The following ATP1A4 variants were observed in gnomAD, a reference collection of about 807,000 sequenced individuals.
The protein encoded by ATP1A4 is sodium/potassium-transporting ATPase subunit alpha-4.
In ATP1A4, 90 loss-of-function variants were observed where a neutral mutation model predicts 114.3. That is an observed-to-expected ratio of 0.79 (90% confidence interval 0.66 to 0.94). The LOEUF (loss-of-function observed/expected upper bound fraction) is 0.94. Ranked by LOEUF, ATP1A4 falls within the 40% of genes least tolerant of loss-of-function variation. ATP1A4 has a pLI of 0.00. For missense variants in ATP1A4, 1,222 were observed against 1,313.6 expected, an observed-to-expected ratio of 0.93 and a Z score of 1.08; for synonymous variants, 511 against 494.1, an observed-to-expected ratio of 1.03 and a Z score of -0.45.
intron 18 of ATP1A4, among the ~76,000 whole-genome samples, chr1:160,178,172 A>G (rs893200957): frequency 3.3e-5 from 5 of 151,316 alleles, no homozygotes; most frequent in Non-Finnish European, 2.9e-5. Context: ...CCTGGCCAAC[A>G]TGGAGATACC....
rs1369919633 is a variant in ATP1A4, at chr1:160,156,098, C to G, written c.465C>G (p.Ser155=). ...TGGTCATCGTCACTGGCTGCTTCTCCTATTATCAGGAGGCCAAGAGCTCCA... is the reference window on the plus strand; with the variant it reads ...TGGTCATCGTCACTGGCTGCTTCTCGTATTATCAGGAGGCCAAGAGCTCCA... The part of the protein sequence containing the change: ...SVVVIVTGCF[S]YYQEAKSSKI... Residue 155 remains serine, a synonymous_variant, in exon 4 of 22, where the codon TCC becomes TCG. Coordinates refer to ENST00000368081, the MANE Select transcript of ATP1A4 (RefSeq NM_144699.4). 6.2e-7 allele frequency: 1 copy of G among 1,613,976 alleles called. No homozygotes were observed. The highest frequency in any genetic ancestry group is 8.5e-7 in the Non-Finnish European group (1 of 1,179,970).
At chr1:160,157,269 G>A (rs11265337) in intron 4 of ATP1A4, among the ~76,000 whole-genome samples, 67,165 of 151,918 alleles carry the variant, frequency 0.44, 15,046 homozygotes, top group South Asian at 0.47. Flanking sequence ...TTTGGTGTAC[G>A]AATTATTTCA....
intron 20 of ATP1A4, 138 bp downstream of exon 20, chr1:160,182,169 G>A (rs771911585): frequency 4.3e-6 from 3 of 705,662 alleles, no homozygotes; most frequent in South Asian, 1.6e-5. Flanking sequence ...AGTGATACAA[G>A]GAGAGTCATC....
intron 10 of ATP1A4, 47 bp from the exon 11 acceptor site, chr1:160,171,193 TGCCCCTGATCC>T: frequency 1.4e-6 from 2 of 1,466,240 alleles, no homozygotes; most frequent in Admixed American, 2.1e-5. Context: ...CCCTTCTTTT[TGCCCCTGATCC>T]TTGGTCTCTC....
chr1:160,164,343 C>T lies in ATP1A4; in HGVS notation c.966C>T (p.Gly322=). 2 of 1,614,170 alleles carry T rather than the reference C, an allele frequency of 1.2e-6. 1 individual carries two copies. The highest frequency in any genetic ancestry group is 2.2e-5 in the South Asian group (2 of 91,086). Reference sequence around the variant, plus strand: ...TTTTTGCGCTCTCACTTCTCTTGGGCTATGGTTGGCTGGAGGCTATCATTT... The same window carrying T: ...TTTTTGCGCTCTCACTTCTCTTGGGTTATGGTTGGCTGGAGGCTATCATTT... The part of the protein sequence containing the change: ...VTFFALSLLL[G]YGWLEAIIFL... The change falls in exon 7 of 22, where the codon GGC becomes GGT. Residue 322 remains glycine, a synonymous_variant. Coordinates refer to ENST00000368081, the MANE Select transcript of ATP1A4 (RefSeq NM_144699.4).
At chr1:160,164,507 G>A (rs1277680033) in intron 7 of ATP1A4, 83 bp downstream of exon 7, 8 of 1,472,674 alleles carry the variant, frequency 5.4e-6, no homozygotes, top group Non-Finnish European at 7.4e-6. Flanking sequence ...TTTTGTTGTT[G>A]AACCTTTCAA....
chr1:160,161,659 C>G (rs1652866832), intron 6 of ATP1A4, among the ~76,000 whole-genome samples: 1 of 152,216 alleles, frequency 6.6e-6, no homozygotes, highest in Admixed American at 6.5e-5. Context: ...GGAAACTCCT[C>G]AGCATCTCTC....
intron 4 of ATP1A4, among the ~76,000 whole-genome samples, chr1:160,158,357 C>T (rs969452630): frequency 9.2e-5 from 14 of 152,224 alleles, no homozygotes; most frequent in Admixed American, 2.6e-4. Context: ...AACAGGAATG[C>T]AAGCCCCAGC....
rs148346747 is a variant in ATP1A4 at position 160,178,230 on chromosome 1, C to T, written c.2736+566C>T. On this transcript the variant is annotated intron_variant, in intron 18 of 21. Coordinates refer to ENST00000368081, the MANE Select transcript of ATP1A4 (RefSeq NM_144699.4). ...ATTAGCCGGGCGTGGTGGCGCATGC[C>T]TGTAATCCCAACCACTCGGGAGGCT... Among the ~76,000 whole-genome samples, 736 of 152,038 alleles carry T rather than the reference C, an allele frequency of 4.8e-3. 8 individuals are homozygous for T. Among genetic ancestry groups the T allele is most frequent in the African/African-American group, 0.017 (714 of 41,458 alleles).
intron 13 of ATP1A4, 91 bp downstream of exon 13, chr1:160,173,808 C>T (rs1653352587): frequency 6.8e-7 from 1 of 1,475,128 alleles, no homozygotes; most frequent in African/African-American, 1.4e-5. Flanking sequence ...TTCTTGGAGT[C>T]TCCTTCAATA....
intron 18 of ATP1A4, among the ~76,000 whole-genome samples, chr1:160,177,871 C>T (rs541657869): frequency 5.9e-5 from 9 of 152,348 alleles, no homozygotes; most frequent in African/African-American, 1.7e-4. Flanking sequence ...AGCATAGGCT[C>T]ATTCTGGTTG....
At chr1:160,158,570 G>A (rs1652755376) in intron 4 of ATP1A4, among the ~76,000 whole-genome samples, 1 of 151,906 alleles carries the variant, frequency 6.6e-6, no homozygotes, top group Non-Finnish European at 1.5e-5. Flanking sequence ...TGTAGAGACA[G>A]GGTCTCCCTA....
intron 1 of ATP1A4, 74 bp from the exon 2 acceptor site, chr1:160,153,091 G>A: frequency 8.1e-7 from 1 of 1,227,212 alleles, no homozygotes; most frequent in Non-Finnish European, 1.2e-6. Flanking sequence ...ACATTCTCCA[G>A]TCTGTTTCTC....
intron 12 of ATP1A4, among the ~76,000 whole-genome samples, chr1:160,172,840 C>T (rs1653312358): frequency 6.6e-6 from 1 of 152,108 alleles, no homozygotes; most frequent in South Asian, 2.1e-4. Context: ...GCAGTGGTTT[C>T]CAGGTAGTGA....
At chr1:160,154,263 A>T (rs954303816) in intron 2 of ATP1A4, among the ~76,000 whole-genome samples, 2 of 152,054 alleles carry the variant, frequency 1.3e-5, no homozygotes, top group Non-Finnish European at 2.9e-5. Context: ...CTGAGGCAGG[A>T]GAATCACTTG....
At chr1:160,173,826 TG>T (rs1354161190) in intron 13 of ATP1A4, 109 bp downstream of exon 13, 8 of 1,379,004 alleles carry the variant, frequency 5.8e-6, no homozygotes, top group Non-Finnish European at 4.9e-6. Flanking sequence ...ATAGGTAGGA[TG>T]TGTGGGGTTT....
intron 4 of ATP1A4, among the ~76,000 whole-genome samples, chr1:160,156,867 G>A (rs1024635225): frequency 1.3e-4 from 20 of 152,134 alleles, no homozygotes; most frequent in African/African-American, 3.4e-4. Context: ...AATCCCAACC[G>A]TTTGGGGGAC....
chr1:160,153,466 C>T (rs1007785979), intron 2 of ATP1A4, among the ~76,000 whole-genome samples: 2 of 152,248 alleles, frequency 1.3e-5, no homozygotes, highest in East Asian at 1.9e-4. Flanking sequence ...GCTGGTCAAA[C>T]GTCTTGTCCT....
At chr1:160,170,193 G>A (rs913265552) in intron 10 of ATP1A4, 1 of 151,836 alleles carries the variant, frequency 6.6e-6, no homozygotes, top group Admixed American at 6.6e-5. Flanking sequence ...CCGAGGCCAA[G>A]GTTGGTAGAT....
Sources: allele counts gnomAD v4.1 joint callset (sites outside exome capture counted in the v4.1 genomes callset), GRCh38; gene constraint gnomAD v4.1.1; transcripts MANE v1.5; gene names NCBI Gene and HGNC (gene_info 2026-07-23, HGNC 2026-07-21).